The following ROBO1 variants were observed in gnomAD, a reference collection of about 807,000 sequenced individuals.
ROBO1 encodes roundabout homolog 1.
ROBO1 carries 149 observed loss-of-function variants against 195.9 expected under a neutral mutation model. The observed-to-expected ratio is 0.76, with a 90% CI of 0.67 to 0.87. The LOEUF (loss-of-function observed/expected upper bound fraction) is 0.87, where lower values mean the gene tolerates loss of function less well. Among genes scored for constraint, ROBO1 ranks in the 40% least tolerant of loss-of-function variants. The probability of loss-of-function intolerance (pLI) is 0.00; values close to 1 mark genes in which losing one functional copy is unlikely to be tolerated. For missense variants in ROBO1, 1,933 were observed against 2,068.3 expected, an observed-to-expected ratio of 0.93 and a Z score of 1.27; for synonymous variants, 816 against 733.2, an observed-to-expected ratio of 1.11 and a Z score of -1.82.
intron 2 of ROBO1, among the ~76,000 whole-genome samples, chr3:79,531,233 T>C (rs1419123846): frequency 6.6e-6 from 1 of 152,198 alleles, no homozygotes; most frequent in African/African-American, 2.4e-5. Context: ...ACAGCCATAG[T>C]AGGTGCTCAA....
chr3:78,809,771 A>G (rs1460118660), intron 4 of ROBO1, among the ~76,000 whole-genome samples: 1 of 113,352 alleles, frequency 8.8e-6, no homozygotes, highest in Non-Finnish European at 2.1e-5. Flanking sequence ...GTTCTCACTC[A>G]TAAGTGGGAG....
chr3:79,065,546 T>C (rs1465857318), intron 3 of ROBO1, among the ~76,000 whole-genome samples: 1 of 151,890 alleles, frequency 6.6e-6, no homozygotes, highest in African/African-American at 2.4e-5. Context: ...ACATGCCAGA[T>C]AAAAAGATAG....
At chr3:79,208,674 G>A (rs1035094939) in intron 2 of ROBO1, among the ~76,000 whole-genome samples, 11 of 139,494 alleles carry the variant, frequency 7.9e-5, no homozygotes, top group Admixed American at 1.5e-4. Context: ...GTTGTTGGTC[G>A]TGGTGGTGGG....
intron 2 of ROBO1, among the ~76,000 whole-genome samples, chr3:79,436,322 G>A (rs1003380823): frequency 2.0e-5 from 3 of 151,086 alleles, no homozygotes; most frequent in South Asian, 2.1e-4. Flanking sequence ...ATTTTTAGCC[G>A]GCCAATCTGT....
chr3:79,018,775 C>T (rs2078022980), intron 3 of ROBO1: 2 of 1,109,108 alleles, frequency 1.8e-6, no homozygotes, highest in Admixed American at 7.8e-5. Context: ...AGTGCCGTTT[C>T]CTGCCTCCAC....
intron 2 of ROBO1, among the ~76,000 whole-genome samples, chr3:79,447,256 T>C (rs1279039089): frequency 1.3e-5 from 2 of 151,988 alleles, no homozygotes; most frequent in Non-Finnish European, 2.9e-5. Flanking sequence ...GTGAGGCTCA[T>C]TGAAGAAACT....
chr3:79,350,523 G>C (rs184279523), intron 2 of ROBO1, among the ~76,000 whole-genome samples: 2 of 152,004 alleles, frequency 1.3e-5, no homozygotes, highest in African/African-American at 4.8e-5. Flanking sequence ...ATAGAGAAAA[G>C]GTAGAAACTA....
chr3:79,235,535 C>T (rs561983773), intron 2 of ROBO1, among the ~76,000 whole-genome samples: 1 of 152,226 alleles, frequency 6.6e-6, no homozygotes, highest in African/African-American at 2.4e-5. Context: ...GAATAGCTCA[C>T]ATCAAATGAA....
intron 5 of ROBO1, among the ~76,000 whole-genome samples, chr3:78,731,061 C>T (rs1359894662): frequency 6.6e-6 from 1 of 151,952 alleles, no homozygotes; most frequent in Non-Finnish European, 1.5e-5. Context: ...ATTTCTATTT[C>T]TATAGTTATT....
intron 3 of ROBO1, among the ~76,000 whole-genome samples, chr3:79,050,912 G>A (rs113345813): frequency 1.4e-4 from 21 of 152,244 alleles, no homozygotes; most frequent in South Asian, 4.1e-4. Flanking sequence ...TGAAAGCAGC[G>A]TGTAGAGGGA....
At chr3:79,309,074 G>A (rs1360076194) in intron 2 of ROBO1, among the ~76,000 whole-genome samples, 1 of 150,176 alleles carries the variant, frequency 6.7e-6, no homozygotes, top group African/African-American at 2.5e-5. Flanking sequence ...GAAAAAAAAA[G>A]CCACTGTTAT....
At chr3:78,863,874 T>A (rs1295295115) in intron 4 of ROBO1, among the ~76,000 whole-genome samples, 1 of 152,172 alleles carries the variant, frequency 6.6e-6, no homozygotes, top group Non-Finnish European at 1.5e-5. Flanking sequence ...ATATGTCTCA[T>A]CTGGGATAGT....
At chr3:78,954,324 G>A (rs1430375370) in intron 3 of ROBO1, among the ~76,000 whole-genome samples, 1 of 151,876 alleles carries the variant, frequency 6.6e-6, no homozygotes, top group Non-Finnish European at 1.5e-5. Flanking sequence ...AGACACACTA[G>A]TGCTTTTAAA....
intron 3 of ROBO1, among the ~76,000 whole-genome samples, chr3:79,033,373 A>T (rs890911368): frequency 6.6e-6 from 1 of 152,144 alleles, no homozygotes; most frequent in South Asian, 2.1e-4. Context: ...GTTATTTACC[A>T]ATTAGAGTGA....
intron 2 of ROBO1, among the ~76,000 whole-genome samples, chr3:79,255,670 TCA>T: frequency 6.6e-6 from 1 of 152,296 alleles, no homozygotes; most frequent in Admixed American, 6.5e-5. Flanking sequence ...AAGCACATAT[TCA>T]CACACACATA....
intron 3 of ROBO1, among the ~76,000 whole-genome samples, chr3:79,073,106 C>T (rs900028147): frequency 5.3e-5 from 8 of 151,860 alleles, no homozygotes; most frequent in Non-Finnish European, 1.2e-4. Context: ...GAGCCAATTG[C>T]ACAGCAAGAT....
At chr3:78,778,243 T>C (rs1213792612) in intron 4 of ROBO1, among the ~76,000 whole-genome samples, 1 of 152,172 alleles carries the variant, frequency 6.6e-6, no homozygotes, top group Non-Finnish European at 1.5e-5. Context: ...TGCCAGTATT[T>C]TATAGAGGAT....
At chr3:78,764,756 T>C (rs1378213206) in intron 4 of ROBO1, among the ~76,000 whole-genome samples, 1 of 152,166 alleles carries the variant, frequency 6.6e-6, no homozygotes, top group Admixed American at 6.6e-5. Flanking sequence ...AGCTCAGGAA[T>C]TTTATTCTCA....
At chr3:79,009,337 G>T (rs2077718971) in intron 3 of ROBO1, among the ~76,000 whole-genome samples, 1 of 151,946 alleles carries the variant, frequency 6.6e-6, no homozygotes, top group Non-Finnish European at 1.5e-5. Flanking sequence ...ATACTGTTTT[G>T]ATTAGTGGTA....
Sources: allele counts gnomAD v4.1 joint callset (sites outside exome capture counted in the v4.1 genomes callset), GRCh38; gene constraint gnomAD v4.1.1; transcripts MANE v1.5; gene names NCBI Gene and HGNC (gene_info 2026-07-23, HGNC 2026-07-21).